NME8: variants seen among roughly 807,000 people sequenced by gnomAD.
NME8 encodes protein NME8.
In NME8, 72 loss-of-function variants were observed where a neutral mutation model predicts 82.3. The observed-to-expected ratio is 0.87, with a 90% CI of 0.72 to 1.06. The LOEUF is 1.06. Ranked by LOEUF, NME8 falls within the 50% of genes least tolerant of loss-of-function variation. The pLI is 0.00. For missense variants in NME8, 712 were observed against 685.4 expected, an observed-to-expected ratio of 1.04 and a Z score of -0.43; for synonymous variants, 267 against 228.5, an observed-to-expected ratio of 1.17 and a Z score of -1.52.
At chr7:37,874,720 G>A (rs532277061) in intron 11 of NME8, among the ~76,000 whole-genome samples, 184 of 152,112 alleles carry the variant, frequency 1.2e-3, no homozygotes, top group African/African-American at 4.1e-3. Context: ...TAATTTTCCC[G>A]TCACATATAG....
intron 8 of NME8, 21 bp downstream of exon 8, chr7:37,863,483 G>A: frequency 6.8e-7 from 1 of 1,465,174 alleles, no homozygotes; most frequent in South Asian, 1.1e-5. Flanking sequence ...TTACTTCAAA[G>A]TAATCCAAGG....
At position 37,894,512 on chromosome 7, in the gene NME8, G is replaced by A; in HGVS notation, c.1446G>A (p.Gln482=). The change falls in exon 16 of 18, where the codon CAG becomes CAA. Residue 482 remains glutamine, a synonymous_variant. Coordinates refer to ENST00000199447, the MANE Select transcript of NME8 (RefSeq NM_016616.5). ...IVKEAGFDLT[Q]VKKMFLTPEQ... ...AGGAGGCTGGATTTGATCTGACACA[G>A]GTGAAGAAAATGTTCCTAACTCCTG... 1 of 1,613,042 alleles carries A rather than the reference G, an allele frequency of 6.2e-7. No homozygotes were observed. Among genetic ancestry groups the A allele is most frequent in the African/African-American group, 1.3e-5 (1 of 74,944 alleles).
chr7:37,885,286 C>T lies in NME8; in HGVS notation c.1247+34C>T, dbSNP rs75991941. 12,939 of 1,311,722 alleles carry T rather than the reference C, an allele frequency of 9.9e-3. 544 individuals are homozygous for T. In the East Asian group the frequency reaches 0.13, roughly 13 times the overall value. 81.3% of individuals were successfully genotyped at this position (1,311,722 alleles called of 1,614,324 possible). A position where few individuals can be genotyped will look rare whatever the true frequency, so the allele number is the denominator to read the frequency against. On this transcript the variant is annotated intron_variant, in intron 14 of 17. Transcript: ENST00000199447. ...CATACCATGGGTCACTATCTGTTTT[C>T]GTGGGCTCCATTTTAAACACCTTTT... is the stretch of plus-strand genomic sequence containing the variant.
chr7:37,881,475 G>C (rs921482000), intron 12 of NME8, among the ~76,000 whole-genome samples: 2 of 152,026 alleles, frequency 1.3e-5, no homozygotes, highest in Admixed American at 6.5e-5. Flanking sequence ...TTCAAATGTT[G>C]ATCCACCCTG....
intron 17 of NME8, among the ~76,000 whole-genome samples, chr7:37,897,434 A>C (rs1208413636): frequency 6.6e-6 from 1 of 152,140 alleles, no homozygotes. Context: ...ACCATGATAT[A>C]AAAAGCCTCA....
In NME8 at chr7:37,894,494, T is replaced by C; in HGVS notation, c.1428T>C (p.Ala476=). The C allele has an allele frequency of 1.2e-6, 2 of 1,613,194 alleles. No individual in the cohort carries two copies. Among genetic ancestry groups the C allele is most frequent in the Non-Finnish European group, 1.7e-6 (2 of 1,179,400 alleles). The change falls in exon 16 of 18, where the codon GCT becomes GCC. Residue 476 remains alanine (A), a synonymous_variant. Transcript: ENST00000199447. ...REQILKIVKE[A]GFDLTQVKKM... ...AGATCCTGAAGATAGTTAAGGAGGC[T>C]GGATTTGATCTGACACAGGTGAAGA...
intron 13 of NME8, among the ~76,000 whole-genome samples, chr7:37,884,763 T>C (rs888285426): frequency 6.6e-5 from 10 of 152,232 alleles, no homozygotes; most frequent in African/African-American, 2.2e-4. Context: ...TCAAGAGCTT[T>C]TGTAATCTTA....
chr7:37,893,059 G>GT (rs1785155811), intron 15 of NME8, among the ~76,000 whole-genome samples: 1 of 151,936 alleles, frequency 6.6e-6, no homozygotes. Flanking sequence ...TTTTCTCTTG[G>GT]TTTTGTATTA....
chr7:37,855,806 C>G (rs1400518757), intron 5 of NME8, among the ~76,000 whole-genome samples: 1 of 152,084 alleles, frequency 6.6e-6, no homozygotes, highest in African/African-American at 2.4e-5. Context: ...TATAGGCATG[C>G]CTTTCTTATA....
At chr7:37,894,015 A>T (rs893480757) in intron 15 of NME8, among the ~76,000 whole-genome samples, 1 of 152,138 alleles carries the variant, frequency 6.6e-6, no homozygotes, top group Non-Finnish European at 1.5e-5. Flanking sequence ...AGCCCTCAAA[A>T]CTTAGGCTGT....
At chr7:37,895,282 T>C (rs1398306327) in intron 16 of NME8, among the ~76,000 whole-genome samples, 1 of 152,212 alleles carries the variant, frequency 6.6e-6, no homozygotes, top group East Asian at 1.9e-4. Context: ...CATACTTTTA[T>C]AACCACCACA....
chr7:37,866,306 A>C (rs1047621200), intron 10 of NME8, among the ~76,000 whole-genome samples: 1 of 152,210 alleles, frequency 6.6e-6, no homozygotes, highest in Non-Finnish European at 1.5e-5. Flanking sequence ...TGTGTTGGAA[A>C]GGGCAGAAGA....
chr7:37,893,232 C>T (rs1785159772), intron 15 of NME8, among the ~76,000 whole-genome samples: 1 of 152,010 alleles, frequency 6.6e-6, no homozygotes. Flanking sequence ...CTCGTTTTAC[C>T]AGGAAGTATT....
At chr7:37,871,309 G>A (rs1278456272) in intron 11 of NME8, among the ~76,000 whole-genome samples, 1 of 152,136 alleles carries the variant, frequency 6.6e-6, no homozygotes, top group African/African-American at 2.4e-5. Flanking sequence ...GAAGAGCCAG[G>A]GAAACAGGGC....
At chr7:37,883,838 ACCTTC>A (rs1377748421) in intron 12 of NME8, among the ~76,000 whole-genome samples, 6 of 152,186 alleles carry the variant, frequency 3.9e-5, no homozygotes, top group Non-Finnish European at 1.5e-5. Context: ...GTTGAGAAAT[ACCTTC>A]AGGTATTCAA....
At chr7:37,894,392 G>A (rs1785184127) in intron 15 of NME8, 74 bp from the exon 16 acceptor site, 9 of 1,445,998 alleles carry the variant, frequency 6.2e-6, no homozygotes, top group Admixed American at 3.4e-5. Flanking sequence ...ATTTTCCTTA[G>A]TTATTTCAGT....
intron 11 of NME8, among the ~76,000 whole-genome samples, chr7:37,869,793 T>C (rs1784741440): frequency 6.6e-6 from 1 of 152,154 alleles, no homozygotes; most frequent in South Asian, 2.1e-4. Flanking sequence ...GCTTGTTTGG[T>C]GTGCTCGGGC....
chr7:37,849,802 C>T (rs1784411721), intron 2 of NME8, among the ~76,000 whole-genome samples: 2 of 147,926 alleles, frequency 1.4e-5, no homozygotes, highest in Non-Finnish European at 3.0e-5. Context: ...ACCCAGGAGA[C>T]GGAGGTTGCA....
chr7:37,875,710 AT>A, intron 11 of NME8, among the ~76,000 whole-genome samples: 1 of 152,252 alleles, frequency 6.6e-6, no homozygotes, highest in South Asian at 2.1e-4. Flanking sequence ...AAATTGCTAA[AT>A]TTGATAAAGA....
Sources: gnomAD v4.1 joint callset for allele counts (sites outside exome capture counted in the v4.1 genomes callset) on GRCh38, gnomAD v4.1.1 for gene constraint, MANE v1.5 for transcripts, NCBI Gene and HGNC (gene_info 2026-07-23, HGNC 2026-07-21) for gene names.